The following SRRM3 variants were observed in gnomAD, a reference collection of about 807,000 sequenced individuals.
The protein encoded by SRRM3 is serine/arginine repetitive matrix 3.
SRRM3 carries 27 observed loss-of-function variants against 66.2 expected under a neutral mutation model. The observed-to-expected ratio is 0.41, with a 90% confidence interval of 0.30 to 0.56. The LOEUF is 0.56. Among genes scored for constraint, SRRM3 ranks in the 20% least tolerant of loss-of-function variants. The probability of loss-of-function intolerance (pLI) is 0.32; values close to 1 mark genes in which losing one functional copy is unlikely to be tolerated. For missense variants in SRRM3, 918 were observed against 991.9 expected (o/e 0.93, Z 1.00); for synonymous variants, 391 against 414.9 (o/e 0.94, Z 0.70).
At position 76,227,349 on chromosome 7, in the gene SRRM3, C is replaced by T. The variant is rs1203650404; in HGVS notation, c.-39-7679C>T. ...CCTGCTTGCCCCTGCAAACCCCTCA[C>T]CCTCAAGCACCTCCAATTTGTTCTC... On this transcript the variant is annotated intron_variant, in intron 1 of 14. Transcript: ENST00000611745. 3.9e-5 allele frequency among the ~76,000 whole-genome samples: 6 copies of T among 152,206 alleles called. No homozygotes were observed. In the South Asian group the frequency reaches 1.0e-3, roughly 26 times the overall value.
chr7:76,252,042 G>A (rs1801593635), intron 3 of SRRM3, among the ~76,000 whole-genome samples: 1 of 152,110 alleles, frequency 6.6e-6, no homozygotes, highest in African/African-American at 2.4e-5. Flanking sequence ...CCACACTACA[G>A]CCTTGGCAAC....
intron 2 of SRRM3, among the ~76,000 whole-genome samples, chr7:76,239,942 T>C (rs550375879): frequency 5.1e-4 from 78 of 151,656 alleles, no homozygotes; most frequent in Non-Finnish European, 8.8e-4. Flanking sequence ...GGTAGGTGGA[T>C]CACCTGAGGT....
At chr7:76,254,583 G>T (rs1801659050) in intron 3 of SRRM3, among the ~76,000 whole-genome samples, 1 of 152,152 alleles carries the variant, frequency 6.6e-6, no homozygotes, top group Non-Finnish European at 1.5e-5. Context: ...CTCCCAAAGT[G>T]CTGGGATTAC....
intron 1 of SRRM3, among the ~76,000 whole-genome samples, chr7:76,220,113 G>A (rs1415087724): frequency 6.6e-6 from 1 of 152,172 alleles, no homozygotes; most frequent in African/African-American, 2.4e-5. Flanking sequence ...AACACAGGCG[G>A]GGTCTCAGCA....
rs782087091 is a variant in SRRM3, at chr7:76,259,942, G to A, written c.372G>A (p.Glu124=). The A allele has an allele frequency of 2.5e-6, 4 of 1,602,048 alleles. No homozygotes were observed. Among genetic ancestry groups the A allele is most frequent in the Non-Finnish European group, 8.5e-7 (1 of 1,179,518 alleles). The change falls in exon 4 of 15, where the codon GAG becomes GAA. Residue 124 remains glutamate (E), a synonymous_variant. Coordinates refer to ENST00000611745, the MANE Select transcript of SRRM3 (RefSeq NM_001110199.3). ...CCCCGCGGCTGACCGAGGGCGCTGA[G>A]CCGGGCCTGGAGTACGCGCCCTTTG... ...AETPRLTEGA[E]PGLEYAPFDD... is the part of the protein sequence containing the mutation.
intron 1 of SRRM3, among the ~76,000 whole-genome samples, chr7:76,225,410 G>C (rs560953837): frequency 6.6e-6 from 1 of 151,758 alleles, no homozygotes; most frequent in South Asian, 2.1e-4. Flanking sequence ...GGGGAGGCAT[G>C]CCTCTGGCTG....
chr7:76,225,185 G>A (rs1554603610), intron 1 of SRRM3, among the ~76,000 whole-genome samples: 1 of 152,182 alleles, frequency 6.6e-6, no homozygotes, highest in African/African-American at 2.4e-5. Context: ...CAGAAGTAGT[G>A]GAGCCAGAAT....
chr7:76,208,196 G>T (rs1426724015), intron 1 of SRRM3, among the ~76,000 whole-genome samples: 1 of 152,092 alleles, frequency 6.6e-6, no homozygotes, highest in Non-Finnish European at 1.5e-5. Context: ...GGGCGGTGAG[G>T]GCTTGGATCC....
chr7:76,282,618 G>T (rs1554612114), intron 12 of SRRM3, 30 bp from the exon 13 acceptor site: 8 of 1,291,324 alleles, frequency 6.2e-6, no homozygotes, highest in South Asian at 4.7e-5. Context: ...GGGTCGCTGA[G>T]CCCTATCCCG....
intron 1 of SRRM3, among the ~76,000 whole-genome samples, chr7:76,214,665 G>A (rs1215105437): frequency 3.9e-5 from 6 of 152,120 alleles, no homozygotes; most frequent in African/African-American, 1.4e-4. Flanking sequence ...CAACTTCTGA[G>A]TTCTGGCCCC....
At chr7:76,225,699 C>T (rs1442052234) in intron 1 of SRRM3, among the ~76,000 whole-genome samples, 1 of 152,120 alleles carries the variant, frequency 6.6e-6, no homozygotes, top group African/African-American at 2.4e-5. Flanking sequence ...TGGGCAACAA[C>T]GTGAGACCCT....
At chr7:76,272,177 G>A (rs528809857) in intron 11 of SRRM3, among the ~76,000 whole-genome samples, 20 of 152,262 alleles carry the variant, frequency 1.3e-4, no homozygotes, top group African/African-American at 4.6e-4. Context: ...CCCAAAAAGA[G>A]TATACAGAGT....
intron 1 of SRRM3, among the ~76,000 whole-genome samples, chr7:76,217,261 G>A (rs951802675): frequency 1.3e-5 from 2 of 152,156 alleles, no homozygotes; most frequent in South Asian, 2.1e-4. Context: ...GAAAGAGCAC[G>A]GCTCAAAAGC....
intron 11 of SRRM3, among the ~76,000 whole-genome samples, chr7:76,280,387 G>T (rs1554611662): frequency 1.2e-5 from 1 of 82,406 alleles, no homozygotes; most frequent in Admixed American, 1.8e-4. Context: ...TCTGTGTGCC[G>T]TGTGACGCCC....
At chr7:76,202,555 G>T (rs1189697178) in intron 1 of SRRM3, among the ~76,000 whole-genome samples, 1 of 152,202 alleles carries the variant, frequency 6.6e-6, no homozygotes, top group Non-Finnish European at 1.5e-5. Context: ...CCCTAGGGAG[G>T]CAGGAGCTGG....
intron 10 of SRRM3, 82 bp downstream of exon 10, chr7:76,265,550 G>A: frequency 8.9e-7 from 1 of 1,122,412 alleles, no homozygotes; most frequent in South Asian, 1.5e-5. Context: ...TGGGGAGCAG[G>A]GCTGGTGGAC....
chr7:76,205,188 TTCTCTCTCTC>T (rs368530693), intron 1 of SRRM3, among the ~76,000 whole-genome samples: 10 of 149,562 alleles, frequency 6.7e-5, no homozygotes, highest in Non-Finnish European at 1.0e-4. Context: ...CTTGCCTCCT[TTCTCTCTCTC>T]TCTCTCTCTC....
intron 1 of SRRM3, among the ~76,000 whole-genome samples, chr7:76,234,460 C>G (rs563211899): frequency 6.6e-6 from 1 of 152,160 alleles, no homozygotes; most frequent in Admixed American, 6.5e-5. Context: ...AGAAGTTGGC[C>G]AGATCAAACA....
rs782083114 is a variant in SRRM3 at position 76,253,787 on chromosome 7, CAAAAAAAA to C, written c.335+5514_335+5521del. ...GGGCAACAAGAGTGAAACTCTGTTT[CAAAAAAAA>C]AAAAAAAAAAAAAAAGGACATTGTT... On this transcript the variant is annotated intron_variant, in intron 3 of 14. Transcript: ENST00000611745. Among the ~76,000 whole-genome samples the C allele has an allele frequency of 3.2e-4, 21 of 64,772 alleles. No homozygotes were observed. The South Asian group carries it at 7.4e-3, about 23-fold the overall frequency. The allele number at this position is 64,772 out of a possible 152,430, so 42.5% of individuals were successfully genotyped here.
Sources: allele counts gnomAD v4.1 joint callset (sites outside exome capture counted in the v4.1 genomes callset), GRCh38; gene constraint gnomAD v4.1.1; transcripts MANE v1.5; gene names NCBI Gene and HGNC (gene_info 2026-07-23, HGNC 2026-07-21).